Variants in FABP7 observed in about 807,000 individuals in gnomAD.
The protein encoded by FABP7 is fatty acid binding protein 7.
In FABP7, 13 loss-of-function variants were observed where a neutral mutation model predicts 14.2. That is an observed-to-expected ratio of 0.91 (90% CI 0.59 to 1.45). The LOEUF is 1.45. Among genes scored for constraint, FABP7 ranks in the 40% most tolerant of loss-of-function variants. FABP7 has a pLI of 0.00. For missense variants in FABP7, 149 were observed against 157.6 expected (o/e 0.95, Z 0.29); for synonymous variants, 49 against 51.4 (o/e 0.95, Z 0.20).
At chr6:122,776,681 C>G (rs1780678596), upstream of FABP7, among the ~76,000 whole-genome samples, 1 of 152,050 alleles carries the variant, frequency 6.6e-6, no homozygotes, top group South Asian at 2.1e-4. Flanking sequence ...TTAGAATGTT[C>G]CCAACAAAAA....
At chr6:122,762,869 C>A in the FABP7 span, among the ~76,000 whole-genome samples, 2 of 152,126 alleles carry the variant, frequency 1.3e-5, no homozygotes, top group Non-Finnish European at 2.9e-5. Context: ...GAACTACAAA[C>A]CACTGCTCAA....
At chr6:122,754,689 C>T in the FABP7 span, among the ~76,000 whole-genome samples, 1 of 146,822 alleles carries the variant, frequency 6.8e-6, no homozygotes, top group East Asian at 2.1e-4. Context: ...CTCTGTGTAG[C>T]CTCCTTTGAA....
the FABP7 span, among the ~76,000 whole-genome samples, chr6:122,767,311 T>C: frequency 6.6e-6 from 1 of 152,034 alleles, no homozygotes; most frequent in African/African-American, 2.4e-5. Context: ...GAGTAACAAA[T>C]TGGGAGACTT....
chr6:122,759,547 T>C, the FABP7 span, among the ~76,000 whole-genome samples: 17 of 152,362 alleles, frequency 1.1e-4, no homozygotes, highest in African/African-American at 4.1e-4. Flanking sequence ...ATTGAGTACT[T>C]GCTGTGACAT....
At chr6:122,777,479 G>A (rs1008144508), upstream of FABP7, among the ~76,000 whole-genome samples, 1 of 152,074 alleles carries the variant, frequency 6.6e-6, no homozygotes, top group Admixed American at 6.6e-5. Context: ...TTGGAGTTTA[G>A]ACACAACTGA....
At chr6:122,749,820 T>A in the FABP7 span, among the ~76,000 whole-genome samples, 1 of 152,234 alleles carries the variant, frequency 6.6e-6, no homozygotes. Flanking sequence ...GATTCTTGTA[T>A]TATAAAAGAT....
chr6:122,782,597 A>G (rs1780819541), intron 3 of FABP7: 4 of 985,464 alleles, frequency 4.1e-6, no homozygotes, highest in Non-Finnish European at 4.8e-6. Flanking sequence ...GTGACCTGCA[A>G]TGGTATATTG....
At chr6:122,768,839 A>G in the FABP7 span, among the ~76,000 whole-genome samples, 1 of 152,266 alleles carries the variant, frequency 6.6e-6, no homozygotes, top group East Asian at 1.9e-4. Context: ...ACAGGTGTCA[A>G]AGAAATAAAA....
At chr6:122,762,774 G>A in the FABP7 span, among the ~76,000 whole-genome samples, 2 of 152,158 alleles carry the variant, frequency 1.3e-5, no homozygotes, top group African/African-American at 2.4e-5. Context: ...CAAATCATGA[G>A]TGAACTCCCA....
the FABP7 span, among the ~76,000 whole-genome samples, chr6:122,764,151 A>G: frequency 4.6e-5 from 7 of 152,344 alleles, no homozygotes; most frequent in South Asian, 8.3e-4. Context: ...ATGTCCATCA[A>G]TGATAGACTG....
chr6:122,782,371 C>G (rs918654797), intron 3 of FABP7: 10 of 525,462 alleles, frequency 1.9e-5, no homozygotes, highest in Non-Finnish European at 2.4e-5. Flanking sequence ...TCCTACTTCC[C>G]GGATGGCTCC....
the FABP7 span, among the ~76,000 whole-genome samples, chr6:122,774,124 G>A: frequency 6.6e-6 from 1 of 152,064 alleles, no homozygotes; most frequent in Non-Finnish European, 1.5e-5. Context: ...CACTTTGGGA[G>A]GCCCAGGAGG....
intron 3 of FABP7, chr6:122,783,383 A>G (rs1780842729): frequency 1.0e-6 from 1 of 984,798 alleles, no homozygotes. Flanking sequence ...TATAAAACTC[A>G]TTCACTTTTA....
the FABP7 span, among the ~76,000 whole-genome samples, chr6:122,770,038 A>G: frequency 6.6e-6 from 1 of 152,150 alleles, no homozygotes; most frequent in Non-Finnish European, 1.5e-5. Flanking sequence ...AGCTTCTTCA[A>G]CAAATTCTCT....
intron 3 of FABP7, chr6:122,783,447 C>T (rs1349551690): frequency 5.1e-6 from 5 of 985,310 alleles, no homozygotes; most frequent in Non-Finnish European, 4.8e-6. Context: ...ACCTGATCTG[C>T]TCAATTACCC....
At chr6:122,779,506 T>C (rs1780726760), upstream of FABP7, 3 of 434,806 alleles carry the variant, frequency 6.9e-6, no homozygotes, top group Admixed American at 3.3e-5. Flanking sequence ...AGTGTGAGGA[T>C]TGGGAGGAAC....
intron 3 of FABP7, 104 bp downstream of exon 3, chr6:122,781,298 C>G (rs1215461287): frequency 6.4e-7 from 1 of 1,554,752 alleles, no homozygotes; most frequent in Admixed American, 1.9e-5. Context: ...TTCCTCCTTC[C>G]TTCCTTCTTT....
chr6:122,768,211 A>G, the FABP7 span, among the ~76,000 whole-genome samples: 2 of 152,086 alleles, frequency 1.3e-5, no homozygotes, highest in African/African-American at 4.8e-5. Context: ...AACTCTGTCA[A>G]TATTAAGCAT....
At chr6:122,756,512 C>G in the FABP7 span, among the ~76,000 whole-genome samples, 1 of 152,224 alleles carries the variant, frequency 6.6e-6, no homozygotes, top group Non-Finnish European at 1.5e-5. Context: ...GCATTCTACT[C>G]TCATCTAACC....
Sources: gnomAD v4.1 joint callset for allele counts (sites outside exome capture counted in the v4.1 genomes callset) on GRCh38, gnomAD v4.1.1 for gene constraint, MANE v1.5 for transcripts, NCBI Gene and HGNC (gene_info 2026-07-23, HGNC 2026-07-21) for gene names.